TRIM33: variants seen among roughly 807,000 people sequenced by gnomAD.
TRIM33 encodes E3 ubiquitin-protein ligase TRIM33.
TRIM33 carries 20 observed loss-of-function variants against 125.4 expected under a neutral mutation model. The observed-to-expected ratio is 0.16, with a 90% CI of 0.11 to 0.23. The LOEUF is 0.23. Among genes scored for constraint, TRIM33 ranks in the 10% least tolerant of loss-of-function variants. The probability of loss-of-function intolerance (pLI) is 1.00; values close to 1 mark genes in which losing one functional copy is unlikely to be tolerated. For synonymous variants in TRIM33, 564 were observed against 513.9 expected (o/e 1.10, Z -1.32); for missense variants, 920 against 1,411.4 (o/e 0.65, Z 5.58).
chr1:114,463,339 T>C, intron 3 of TRIM33, 73 bp downstream of exon 3: 2 of 1,552,728 alleles, frequency 1.3e-6, no homozygotes, highest in Non-Finnish European at 1.7e-6. Flanking sequence ...AAAGAATAAG[T>C]AGAAAATTCT....
At chr1:114,404,333 A>G (rs984193321) in intron 15 of TRIM33, 4 of 150,118 alleles carry the variant, frequency 2.7e-5, no homozygotes, top group Non-Finnish European at 4.4e-5. Flanking sequence ...TTTAGTAGAG[A>G]TGGGGTTTTG....
chr1:114,430,715 T>C (rs1647892899), intron 6 of TRIM33, 83 bp downstream of exon 6: 1 of 798,824 alleles, frequency 1.3e-6, no homozygotes, highest in Non-Finnish European at 2.2e-6. Flanking sequence ...CCCCAATCCA[T>C]CTAAAATAGT....
intron 11 of TRIM33, among the ~76,000 whole-genome samples, chr1:114,416,391 T>A (rs967236321): frequency 6.6e-6 from 1 of 152,222 alleles, no homozygotes; most frequent in Non-Finnish European, 1.5e-5. Context: ...ATAAATAAAA[T>A]GTAAATGCTA....
intron 1 of TRIM33, among the ~76,000 whole-genome samples, chr1:114,508,155 G>C (rs1293368895): frequency 6.6e-6 from 1 of 152,054 alleles, no homozygotes; most frequent in Non-Finnish European, 1.5e-5. Flanking sequence ...GTGGATTCCA[G>C]ACTCAATTTG....
chr1:114,402,880 C>T lies in TRIM33; in HGVS notation c.2772G>A (p.Gly924=). The T allele has an allele frequency of 6.2e-7, 1 of 1,610,036 alleles. No homozygotes were observed. Among genetic ancestry groups the T allele is most frequent in the Non-Finnish European group, 8.5e-7 (1 of 1,178,660 alleles). Residue 924 remains glycine, a synonymous_variant, in exon 16 of 20, where the codon GGG becomes GGA. Coordinates refer to ENST00000358465, the MANE Select transcript of TRIM33 (RefSeq NM_015906.4). ...CTCTACAAAATGTGCATATCCAGTCCCCACTAGACAGGGAAATAGGCAATT... is the reference window on the plus strand; with the variant it reads ...CTCTACAAAATGTGCATATCCAGTCTCCACTAGACAGGGAAATAGGCAATT... ...HVPTLLSFPS[G]DWICTFCRDI... is the part of the protein sequence containing the mutation.
chr1:114,433,083 T>C (rs770088323), intron 5 of TRIM33, among the ~76,000 whole-genome samples: 12 of 152,190 alleles, frequency 7.9e-5, no homozygotes, highest in Non-Finnish European at 1.5e-4. Flanking sequence ...TAAATTTACT[T>C]AGAAATATAC....
At chr1:114,416,297 C>T (rs34258900) in intron 11 of TRIM33, among the ~76,000 whole-genome samples, 2 of 152,166 alleles carry the variant, frequency 1.3e-5, no homozygotes, top group East Asian at 3.8e-4. Context: ...TAATGAGATA[C>T]ATGTACTGTA....
chr1:114,446,326 T>C (rs1045649698), intron 4 of TRIM33, among the ~76,000 whole-genome samples: 2 of 151,974 alleles, frequency 1.3e-5, no homozygotes, highest in African/African-American at 4.8e-5. Flanking sequence ...TTGGTAAATA[T>C]GAAACACCAG....
intron 11 of TRIM33, among the ~76,000 whole-genome samples, chr1:114,414,733 G>C (rs1652820386): frequency 6.6e-6 from 1 of 152,000 alleles, no homozygotes; most frequent in Admixed American, 6.6e-5. Flanking sequence ...TATGACAGCA[G>C]GTCTCTCTTA....
At chr1:114,403,595 T>A (rs1483060261) in intron 15 of TRIM33, among the ~76,000 whole-genome samples, 1 of 152,082 alleles carries the variant, frequency 6.6e-6, no homozygotes, top group Non-Finnish European at 1.5e-5. Flanking sequence ...GAGTACACAG[T>A]GGCACGATCC....
rs77336200 is a variant in TRIM33 at position 114,495,659 on chromosome 1, G to C, written c.526+14892C>G. Among the ~76,000 whole-genome samples, 1,072 of 152,222 alleles carry C rather than the reference G, an allele frequency of 7.0e-3. 4 individuals carry two copies. The highest frequency in any genetic ancestry group is 0.013 in the Admixed American group (202 of 15,274). ...TTAATTCAGATAATCTACTTTGAAA[G>C]CATTCAACATAAATTGAGGAAGGAA... On this transcript the variant is annotated intron_variant, in intron 1 of 19. Coordinates refer to ENST00000358465, the MANE Select transcript of TRIM33 (RefSeq NM_015906.4).
chr1:114,415,909 A>G (rs1652906809), intron 11 of TRIM33, among the ~76,000 whole-genome samples: 2 of 148,210 alleles, frequency 1.3e-5, no homozygotes, highest in Admixed American at 6.8e-5. Flanking sequence ...CCAAGACTGC[A>G]CCACTACACT....
intron 15 of TRIM33, 30 bp from the exon 16 acceptor site, chr1:114,402,913 G>GT: frequency 6.3e-7 from 1 of 1,585,424 alleles, no homozygotes; most frequent in Non-Finnish European, 8.6e-7. Context: ...ATTAGTCCAC[G>GT]TAATTATAAG....
intron 5 of TRIM33, among the ~76,000 whole-genome samples, 175 bp downstream of exon 5, chr1:114,433,442 G>A (rs1453912591): frequency 6.6e-6 from 1 of 152,136 alleles, no homozygotes; most frequent in Non-Finnish European, 1.5e-5. Context: ...GTATACAAGA[G>A]TTTGGTCAAT....
chr1:114,504,043 A>G (rs1652853209), intron 1 of TRIM33, among the ~76,000 whole-genome samples: 1 of 152,248 alleles, frequency 6.6e-6, no homozygotes, highest in South Asian at 2.1e-4. Context: ...ACTGTTTCAT[A>G]AAGGATATTA....
intron 4 of TRIM33, among the ~76,000 whole-genome samples, chr1:114,452,671 G>A (rs1649381792): frequency 6.7e-6 from 1 of 149,312 alleles, no homozygotes; most frequent in African/African-American, 2.5e-5. Flanking sequence ...CAAGGCAGGA[G>A]GACTGCTTGA....
chr1:114,440,917 T>A (rs1292661600), intron 4 of TRIM33, among the ~76,000 whole-genome samples: 1 of 152,344 alleles, frequency 6.6e-6, no homozygotes, highest in East Asian at 1.9e-4. Flanking sequence ...AACGCACATT[T>A]TTAAAGACAT....
chr1:114,407,015 C>T lies in TRIM33; in HGVS notation c.2344G>A (p.Glu782Lys), dbSNP rs758772654. The T allele has an allele frequency of 1.2e-6, 2 of 1,614,060 alleles. No individual in the cohort carries two copies. The highest frequency in any genetic ancestry group is 2.2e-5 in the South Asian group (2 of 91,078). Residue 782 changes from glutamate (E) to lysine (K), a missense_variant, in exon 14 of 20, where the codon GAA (glutamate) becomes AAA (lysine). Glu to Lys is a moderately conservative substitution (Grantham distance 56). Coordinates refer to ENST00000358465, the MANE Select transcript of TRIM33 (RefSeq NM_015906.4). ...QVKVKQEPGT[E>K]DEICSFSGGV... ...CCTGAAAAGCTACATATTTCATCTT[C>T]AGTCCCAGGTTCTTGCTTGACCTTC...
chr1:114,495,228 T>C (rs1312282321), intron 1 of TRIM33, among the ~76,000 whole-genome samples: 1 of 152,134 alleles, frequency 6.6e-6, no homozygotes, highest in East Asian at 1.9e-4. Flanking sequence ...TAGAGTATTT[T>C]TTAAATGCAA....
Sources: gnomAD v4.1 joint callset for allele counts (sites outside exome capture counted in the v4.1 genomes callset) on GRCh38, gnomAD v4.1.1 for gene constraint, MANE v1.5 for transcripts, NCBI Gene and HGNC (gene_info 2026-07-23, HGNC 2026-07-21) for gene names.